Variants in GRHL2 observed in about 807,000 individuals in gnomAD.
GRHL2 encodes the protein grainyhead like transcription factor 2.
A neutral mutation model predicts 83.8 loss-of-function variants in GRHL2; 21 were observed. The observed-to-expected ratio is 0.25, with a 90% CI of 0.18 to 0.36. The LOEUF is 0.36. Ranked by LOEUF, GRHL2 falls within the 10% of genes least tolerant of loss-of-function variation. GRHL2 has a pLI of 1.00. For missense variants in GRHL2, 623 were observed against 781.8 expected (o/e 0.80, Z 2.42); for synonymous variants, 280 against 278.9 (o/e 1.00, Z -0.04).
At chr8:101,570,519 C>A in intron 5 of GRHL2, 125 bp downstream of exon 5, 1 of 825,138 alleles carries the variant, frequency 1.2e-6, no homozygotes, top group Non-Finnish European at 2.1e-6. Flanking sequence ...ATTTCCTTTG[C>A]CTCAGTGCTT....
intron 5 of GRHL2, among the ~76,000 whole-genome samples, chr8:101,572,526 T>G (rs1043914079): frequency 3.3e-5 from 5 of 152,182 alleles, no homozygotes; most frequent in African/African-American, 1.2e-4. Context: ...TTTTCAGAGA[T>G]AAAGTTTGAG....
chr8:101,577,497 G>A lies in GRHL2; in HGVS notation c.981G>A (p.Ala327=), dbSNP rs368774126. 122 of 1,613,174 alleles carry A rather than the reference G, an allele frequency of 7.6e-5. No individual in the cohort carries two copies. The highest frequency in any genetic ancestry group is 3.3e-4 in the Middle Eastern group (2 of 6,062). The change falls in exon 7 of 16, where the codon GCG becomes GCA. Residue 327 remains alanine (A), a synonymous_variant. Transcript: ENST00000646743. The part of the protein sequence containing the change: ...WKYWHSRQHT[A]KQRVLDIADY... ...ACTGGCACTCTCGGCAGCATACGGC[G>A]AAGCAGAGGGTCCTTGACATTGGTA...
At chr8:101,580,678 A>G (rs1305738645) in intron 7 of GRHL2, among the ~76,000 whole-genome samples, 1 of 152,108 alleles carries the variant, frequency 6.6e-6, no homozygotes, top group African/African-American at 2.4e-5. Context: ...AATGTGCACC[A>G]TTTTTATTTT....
downstream of GRHL2, among the ~76,000 whole-genome samples, chr8:101,671,993 C>A (rs1338736314): frequency 6.6e-6 from 1 of 152,044 alleles, no homozygotes; most frequent in Non-Finnish European, 1.5e-5. Context: ...AGCTGAGGGT[C>A]CTATCTGTTA....
At position 101,509,385 on chromosome 8, in the gene GRHL2, G is replaced by A. The variant is rs149384531; in HGVS notation, c.20+16596G>A. Among the ~76,000 whole-genome samples, 798 of 151,536 alleles carry A rather than the reference G, an allele frequency of 5.3e-3. 3 individuals carry two copies. The highest frequency in any genetic ancestry group is 0.034 in the Middle Eastern group (10 of 294). On this transcript the variant is annotated intron_variant, in intron 1 of 15. Coordinates refer to ENST00000646743, the MANE Select transcript of GRHL2 (RefSeq NM_024915.4). ...TATTAAAAACCTTTCCTAGAGCTGC[G>A]GGTTAAAACATCTGTCACATGCATG... is the stretch of plus-strand genomic sequence containing the variant.
intron 1 of GRHL2, among the ~76,000 whole-genome samples, chr8:101,496,573 G>T (rs1276721284): frequency 6.6e-6 from 1 of 152,106 alleles, no homozygotes; most frequent in Admixed American, 6.5e-5. Flanking sequence ...TGTGTGTGTT[G>T]GGGGTGGGGG....
intron 8 of GRHL2, among the ~76,000 whole-genome samples, chr8:101,608,757 A>T (rs1416612624): frequency 3.5e-5 from 5 of 142,438 alleles, no homozygotes; most frequent in South Asian, 2.1e-4. Context: ...ACACACACAC[A>T]CACACACACA....
chr8:101,596,533 G>A (rs1812394957), intron 7 of GRHL2, among the ~76,000 whole-genome samples: 1 of 152,142 alleles, frequency 6.6e-6, no homozygotes, highest in African/African-American at 2.4e-5. Flanking sequence ...ATCTGGCCAA[G>A]ACAAGCAAAA....
the GRHL2 span, among the ~76,000 whole-genome samples, chr8:101,677,585 G>A: frequency 6.6e-6 from 1 of 152,072 alleles, no homozygotes; most frequent in Non-Finnish European, 1.5e-5. Flanking sequence ...TGAGGATTAT[G>A]TATTGGTAGC....
intron 15 of GRHL2, among the ~76,000 whole-genome samples, 189 bp downstream of exon 15, chr8:101,664,707 C>CAGTG (rs957119721): frequency 1.3e-5 from 2 of 151,984 alleles, no homozygotes; most frequent in African/African-American, 2.4e-5. Flanking sequence ...GGGAGGGAGG[C>CAGTG]AGTGCACTGG....
At chr8:101,521,158 G>C (rs1284610350) in intron 1 of GRHL2, among the ~76,000 whole-genome samples, 1 of 152,182 alleles carries the variant, frequency 6.6e-6, no homozygotes, top group Non-Finnish European at 1.5e-5. Flanking sequence ...AGAAGAGAGG[G>C]AGGAAATGTT....
chr8:101,518,333 G>A (rs147289790), intron 1 of GRHL2, among the ~76,000 whole-genome samples: 72 of 152,250 alleles, frequency 4.7e-4, no homozygotes, highest in African/African-American at 1.2e-3. Flanking sequence ...AATCACTTGA[G>A]GCCTGGAGAT....
At chr8:101,621,603 A>C (rs1812966309) in intron 9 of GRHL2, among the ~76,000 whole-genome samples, 1 of 152,166 alleles carries the variant, frequency 6.6e-6, no homozygotes, top group African/African-American at 2.4e-5. Context: ...AGAAAGATAA[A>C]GATGTAATAT....
intron 1 of GRHL2, 120 bp from the exon 2 acceptor site, chr8:101,543,121 C>T: frequency 1.2e-6 from 1 of 819,138 alleles, no homozygotes; most frequent in Non-Finnish European, 2.1e-6. Context: ...TCTTCCCTTC[C>T]TTCTCCCCCA....
chr8:101,577,519 G>A lies in GRHL2; in HGVS notation c.1003G>A (p.Ala335Thr). ...HTAKQRVLDI[A>T]DYKESFNTIG... ...GGCGAAGCAGAGGGTCCTTGACATTGGTAAGTTGACCTTGACTTCCCTGTA... is the reference window on the plus strand; with the variant it reads ...GGCGAAGCAGAGGGTCCTTGACATTAGTAAGTTGACCTTGACTTCCCTGTA... The change falls in exon 7 of 16, where the codon GCC becomes ACC. Residue 335 changes from alanine (A) to threonine (T), a missense_variant and splice_region_variant. Physicochemically the swap from Ala to Thr is moderately conservative, Grantham distance 58. Around this residue, in one of 8 missense-constraint regions of GRHL2, gnomAD observed 96 missense variants for 144.8 expected, o/e 0.66. Coordinates refer to ENST00000646743, the MANE Select transcript of GRHL2 (RefSeq NM_024915.4). 2 of 1,603,826 alleles carry A rather than the reference G, an allele frequency of 1.2e-6. No individual in the cohort carries two copies. Among genetic ancestry groups the A allele is most frequent in the Non-Finnish European group, 1.7e-6 (2 of 1,170,806 alleles).
At chr8:101,644,691 C>G (rs1233659912) in intron 13 of GRHL2, among the ~76,000 whole-genome samples, 1 of 152,220 alleles carries the variant, frequency 6.6e-6, no homozygotes, top group Non-Finnish European at 1.5e-5. Flanking sequence ...AGAAACAAAG[C>G]TTGACTGTGC....
chr8:101,523,278 A>G (rs960483078), intron 1 of GRHL2, among the ~76,000 whole-genome samples: 2 of 151,920 alleles, frequency 1.3e-5, no homozygotes, highest in Non-Finnish European at 2.9e-5. Flanking sequence ...GAAGAGAGAA[A>G]GGTGTACAAT....
At chr8:101,617,560 AGT>A (rs1268881980) in intron 8 of GRHL2, among the ~76,000 whole-genome samples, 2 of 152,148 alleles carry the variant, frequency 1.3e-5, no homozygotes, top group African/African-American at 4.8e-5. Context: ...TTGGGAGTGT[AGT>A]GGCGCAGTCT....
At chr8:101,619,188 G>T (rs1371214573) in intron 8 of GRHL2, among the ~76,000 whole-genome samples, 1 of 152,090 alleles carries the variant, frequency 6.6e-6, no homozygotes, top group Non-Finnish European at 1.5e-5. Flanking sequence ...GGGAGGGGGA[G>T]GTTGCAGTGA....
Sources: gnomAD v4.1 joint callset for allele counts (sites outside exome capture counted in the v4.1 genomes callset) on GRCh38, gnomAD v4.1.1 for gene constraint, gnomAD v4.1.1 regional missense constraint, MANE v1.5 for transcripts, NCBI Gene and HGNC (gene_info 2026-07-23, HGNC 2026-07-21) for gene names.